Variants in COBL observed in about 807,000 individuals in gnomAD.
COBL encodes cordon-bleu WH2 repeat protein.
COBL carries 51 observed loss-of-function variants against 98.8 expected under a neutral mutation model. That is an observed-to-expected ratio of 0.52 (90% CI 0.41 to 0.65). The LOEUF (loss-of-function observed/expected upper bound fraction) is 0.65. COBL is among the 30% of genes least tolerant of loss of function. The pLI is 0.00. For synonymous variants in COBL, 634 were observed against 651.7 expected (o/e 0.97, Z 0.41); for missense variants, 1,617 against 1,617.5 (o/e 1.00, Z 0.01).
At chr7:51,217,434 C>CACA (rs1793172336) in intron 2 of COBL, among the ~76,000 whole-genome samples, 1 of 150,408 alleles carries the variant, frequency 6.6e-6, no homozygotes, top group Non-Finnish European at 1.5e-5. Flanking sequence ...CTCCATCTCC[C>CACA]GGGTTCAAGT....
intron 4 of COBL, among the ~76,000 whole-genome samples, chr7:51,188,909 A>G (rs79778844): frequency 0.044 from 6,775 of 152,320 alleles, 389 homozygotes; most frequent in South Asian, 0.15. Context: ...TCCAAGTGGT[A>G]GCATGTAACA....
At chr7:51,299,780 TA>T (rs1223860569) in intron 1 of COBL, among the ~76,000 whole-genome samples, 2 of 152,168 alleles carry the variant, frequency 1.3e-5, no homozygotes, top group Non-Finnish European at 2.9e-5. Flanking sequence ...ACAGGTCTAC[TA>T]GGGGGATGAG....
At chr7:51,197,424 CTT>C (rs1181508172) in intron 2 of COBL, among the ~76,000 whole-genome samples, 3 of 151,678 alleles carry the variant, frequency 2.0e-5, no homozygotes, top group Non-Finnish European at 2.9e-5. Flanking sequence ...GCTGAGGAGT[CTT>C]TTATTTCTGA....
chr7:51,216,290 C>T (rs1469630477), intron 2 of COBL, among the ~76,000 whole-genome samples: 1 of 152,166 alleles, frequency 6.6e-6, no homozygotes, highest in Non-Finnish European at 1.5e-5. Context: ...AAGTGATTCT[C>T]CTGCCTCAAC....
intron 9 of COBL, 89 bp downstream of exon 9, chr7:51,030,723 G>T: frequency 1.2e-6 from 1 of 847,690 alleles, no homozygotes; most frequent in Admixed American, 2.1e-5. Flanking sequence ...TCCTCACATA[G>T]ATACATCAAA....
intron 1 of COBL, among the ~76,000 whole-genome samples, chr7:51,301,237 G>A (rs915955943): frequency 6.6e-5 from 10 of 152,270 alleles, no homozygotes; most frequent in Admixed American, 2.0e-4. Flanking sequence ...TCTGGAGGAC[G>A]CTCACCCTTT....
chr7:51,173,736 T>C (rs1214697889), intron 5 of COBL, among the ~76,000 whole-genome samples: 1 of 152,228 alleles, frequency 6.6e-6, no homozygotes, highest in Non-Finnish European at 1.5e-5. Context: ...TAGGTACTTT[T>C]GAGAACTGCT....
At chr7:51,257,291 A>G (rs767516927) in intron 1 of COBL, among the ~76,000 whole-genome samples, 1 of 152,188 alleles carries the variant, frequency 6.6e-6, no homozygotes. Flanking sequence ...TCTCCCCTCA[A>G]TAAAACCTAC....
intron 8 of COBL, among the ~76,000 whole-genome samples, chr7:51,040,510 T>C (rs1322209201): frequency 6.6e-6 from 1 of 152,254 alleles, no homozygotes; most frequent in Non-Finnish European, 1.5e-5. Flanking sequence ...CTACTTATTA[T>C]ATATGCAACA....
chr7:51,193,457 G>C lies in COBL; in HGVS notation c.378C>G (p.Thr126=). 6.2e-7 allele frequency: 1 copy of C among 1,614,116 alleles called. No homozygotes were observed. Among genetic ancestry groups the C allele is most frequent in the Non-Finnish European group, 8.5e-7 (1 of 1,180,024 alleles). Reference sequence around the variant, plus strand: ...TCAGAAACACAGTATGCACATTCAGGGTCCCAATCAAAGTATTTGGCTTAA... The same window carrying C: ...TCAGAAACACAGTATGCACATTCAGCGTCCCAATCAAAGTATTTGGCTTAA... ...LSFKPNTLIG[T]LNVHTVFLKE... The change falls in exon 3 of 13, where the codon ACC becomes ACG. Residue 126 remains threonine, a synonymous_variant. Transcript: ENST00000265136.
intron 7 of COBL, among the ~76,000 whole-genome samples, chr7:51,079,043 T>A (rs1793372854): frequency 6.6e-6 from 1 of 152,124 alleles, no homozygotes; most frequent in African/African-American, 2.4e-5. Flanking sequence ...ATTCCTTAGA[T>A]AGGAGTCACT....
chr7:51,075,934 G>C (rs1583697298), intron 7 of COBL, among the ~76,000 whole-genome samples: 1 of 152,126 alleles, frequency 6.6e-6, no homozygotes, highest in African/African-American at 2.4e-5. Context: ...TTTTGAGTAG[G>C]GACAGATTCT....
intron 1 of COBL, among the ~76,000 whole-genome samples, chr7:51,243,520 G>C (rs1159939973): frequency 6.6e-6 from 1 of 152,182 alleles, no homozygotes; most frequent in East Asian, 1.9e-4. Context: ...CATGATGTGG[G>C]GATCATGGTG....
intron 6 of COBL, among the ~76,000 whole-genome samples, chr7:51,090,350 G>C (rs1391489641): frequency 6.6e-6 from 1 of 152,216 alleles, no homozygotes; most frequent in African/African-American, 2.4e-5. Context: ...TGGCCATGCT[G>C]AAATGGGTAA....
chr7:51,053,685 C>T (rs2128900092), intron 7 of COBL, among the ~76,000 whole-genome samples: 1 of 152,332 alleles, frequency 6.6e-6, no homozygotes, highest in African/African-American at 2.4e-5. Context: ...AGCGCCCGTC[C>T]CTGTGCCTCG....
chr7:51,213,247 A>C, intron 2 of COBL, among the ~76,000 whole-genome samples: 1 of 152,196 alleles, frequency 6.6e-6, no homozygotes, highest in East Asian at 1.9e-4. Context: ...GACGAGGACC[A>C]GTCAACGGTG....
Position 51,085,153 on chromosome 7 carries a change from G to C in COBL, c.1096+13C>G. ...CATCCCCGCATGCAGACGGCAGGCC[G>C]AGCCTCACTCACCCATCGTGCTCTT... is the stretch of plus-strand genomic sequence containing the variant. On this transcript the variant is annotated intron_variant, in intron 7 of 12. Coordinates refer to ENST00000265136, the MANE Select transcript of COBL (RefSeq NM_015198.5). 1 of 1,613,562 alleles carries C rather than the reference G, an allele frequency of 6.2e-7. No individual in the cohort carries two copies. Among genetic ancestry groups the C allele is most frequent in the Non-Finnish European group, 8.5e-7 (1 of 1,179,898 alleles).
At chr7:51,259,726 G>A in intron 1 of COBL, 1 of 741,458 alleles carries the variant, frequency 1.3e-6, no homozygotes, top group East Asian at 2.5e-5. Flanking sequence ...TGAGTTCCCA[G>A]GCAGACTTCA....
chr7:51,316,618 C>T lies in COBL; in HGVS notation c.16G>A (p.Ala6Thr), dbSNP rs1803635613. Reference sequence around the variant, plus strand: ...CCGGTCGGGGGCTTGGCCGCCGAGGCGCGCGGCGCGTCCATGGTGCCGGGG... The same window carrying T: ...CCGGTCGGGGGCTTGGCCGCCGAGGTGCGCGGCGCGTCCATGGTGCCGGGG... MDAPR[A>T]SAAKPPTGRK... Residue 6 changes from alanine to threonine, a missense_variant, in exon 1 of 13, where the codon GCC becomes ACC. Transcript: ENST00000265136. 2 of 1,202,398 alleles carry T rather than the reference C, an allele frequency of 1.7e-6. No homozygotes were observed. The highest frequency in any genetic ancestry group is 3.5e-5 in the East Asian group (1 of 28,950). 74.5% of individuals were successfully genotyped at this position (1,202,398 alleles called of 1,614,324 possible). A position where few individuals can be genotyped will look rare whatever the true frequency, so the allele number is the denominator to read the frequency against.
Sources: allele counts gnomAD v4.1 joint callset (sites outside exome capture counted in the v4.1 genomes callset), GRCh38; gene constraint gnomAD v4.1.1; transcripts MANE v1.5; gene names NCBI Gene and HGNC (gene_info 2026-07-23, HGNC 2026-07-21).